Variants in AP3S2 observed in about 807,000 individuals in gnomAD.
AP3S2 encodes the protein adaptor related protein complex 3 subunit sigma 2.
A neutral mutation model predicts 23.4 loss-of-function variants in AP3S2; 22 were observed. That is an observed-to-expected ratio of 0.94 (90% CI 0.67 to 1.34). The LOEUF is 1.34. Among genes scored for constraint, AP3S2 ranks in the 40% most tolerant of loss-of-function variants. AP3S2 has a pLI of 0.00. For missense variants in AP3S2, 241 were observed against 236.9 expected, an observed-to-expected ratio of 1.02 and a Z score of -0.11; for synonymous variants, 86 against 87.1, an observed-to-expected ratio of 0.99 and a Z score of 0.07.
At chr15:89,854,569 TG>T (rs574761119) in intron 4 of AP3S2, among the ~76,000 whole-genome samples, 706 of 33,086 alleles carry the variant, frequency 0.021, 99 homozygotes, top group Non-Finnish European at 0.032. Context: ...GGGAGGGAGG[TG>T]GGGGGGGTCA....
chr15:89,858,523 G>GAGAGAGAGAGAGAGAAAGAA (rs1555446558), intron 4 of AP3S2, among the ~76,000 whole-genome samples: 1 of 53,686 alleles, frequency 1.9e-5, no homozygotes, highest in Admixed American at 2.5e-4. Context: ...GAGAGAGAGA[G>GAGAGAGAGAGAGAGAAAGAA]AGAAAGAAAG....
Position 89,875,204 on chromosome 15 carries a change from C to T in AP3S2, c.274-3658G>A, listed in dbSNP as rs539491320. Among the ~76,000 whole-genome samples, 33 of 152,238 alleles carry T rather than the reference C, an allele frequency of 2.2e-4. No individual in the cohort carries two copies. The South Asian group carries it at 4.8e-3, about 22-fold the overall frequency. Reference sequence around the variant, plus strand: ...TGTTCTGCGGCAGCCAGAGCACATGCGAGGAGAGCCAGACCACAGTTTGCA... The same window carrying T: ...TGTTCTGCGGCAGCCAGAGCACATGTGAGGAGAGCCAGACCACAGTTTGCA... On this transcript the variant is annotated intron_variant, in intron 3 of 5. Transcript: ENST00000336418.
At chr15:89,869,293 A>G (rs1896255336) in intron 4 of AP3S2, among the ~76,000 whole-genome samples, 2 of 146,410 alleles carry the variant, frequency 1.4e-5, no homozygotes, top group South Asian at 4.5e-4. Flanking sequence ...GCTCTCTGAA[A>G]CATGTGCTGT....
intron 4 of AP3S2, among the ~76,000 whole-genome samples, chr15:89,862,173 T>TAAGGTTAGAAAACCTGCCAGAAACAATC (rs1355653857): frequency 6.6e-6 from 1 of 151,838 alleles, no homozygotes; most frequent in African/African-American, 2.4e-5. Flanking sequence ...GAAGAGAGAA[T>TAAGGTTAGAAAACCTGCCAGAAACAATC]AAGGTTAGAA....
At chr15:89,869,717 G>C (rs1365920611) in intron 4 of AP3S2, among the ~76,000 whole-genome samples, 1 of 151,926 alleles carries the variant, frequency 6.6e-6, no homozygotes. Context: ...CACACTAGGT[G>C]GTAACTTCGA....
At position 89,889,086 on chromosome 15, in the gene AP3S2, G is replaced by A. The variant is rs767576419; in HGVS notation, c.124C>T (p.Arg42Trp). The A allele has an allele frequency of 8.7e-6, 14 of 1,614,024 alleles. No individual in the cohort carries two copies. The highest frequency in any genetic ancestry group is 1.2e-5 in the Non-Finnish European group (14 of 1,180,040). Reference sequence around the variant, plus strand: ...AAGAAGTTACAGATGTTGTCATCCCGCTTGAGGACTAGATGGAAAGTCTCT... The same window carrying A: ...AAGAAGTTACAGATGTTGTCATCCCACTTGAGGACTAGATGGAAAGTCTCT... ...VRETFHLVLKRDDNICNFLEG... is the reference protein window; with the variant it reads ...VRETFHLVLKWDDNICNFLEG... The change falls in exon 2 of 6, where the codon CGG (arginine) becomes TGG (tryptophan). Residue 42 changes from arginine (R) to tryptophan (W), a missense_variant. Physicochemically the swap from Arg to Trp is moderately radical, Grantham distance 101 (BLOSUM62 -3). Coordinates refer to ENST00000336418, the MANE Select transcript of AP3S2 (RefSeq NM_005829.5).
rs554698605 is a variant in AP3S2 at position 89,835,288 on chromosome 15, T to C, written c.*227A>G. 5.9e-4 allele frequency: 386 copies of C among 654,310 alleles called. No homozygotes were observed. The highest frequency in any genetic ancestry group is 7.2e-4 in the Non-Finnish European group (291 of 405,246). 40.5% of individuals were successfully genotyped at this position (654,310 alleles called of 1,614,324 possible). ...GCCCCTCACATCTGCAGTGGCCGTA[T>C]GCATCAGAGAACGGCATGACTGCAC... On this transcript the variant is annotated 3_prime_UTR_variant, in exon 6 of 6. Transcript: ENST00000336418.
intron 4 of AP3S2, among the ~76,000 whole-genome samples, chr15:89,841,145 A>G (rs939472761): frequency 3.3e-5 from 5 of 152,218 alleles, no homozygotes; most frequent in African/African-American, 1.2e-4. Context: ...GGCCTAACAC[A>G]TGATGTCGTG....
At chr15:89,845,810 T>TAC (rs1895473347) in intron 4 of AP3S2, 1 of 152,222 alleles carries the variant, frequency 6.6e-6, no homozygotes, top group Non-Finnish European at 1.5e-5. Flanking sequence ...TCACACAGTG[T>TAC]GCATTGAACA....
chr15:89,856,949 C>T (rs1020281204), intron 4 of AP3S2, among the ~76,000 whole-genome samples: 11 of 151,622 alleles, frequency 7.3e-5, no homozygotes, highest in African/African-American at 2.7e-4. Context: ...TTCACATCAA[C>T]TAATCAACTC....
chr15:89,869,105 A>G (rs1896248421), intron 4 of AP3S2, among the ~76,000 whole-genome samples: 1 of 152,194 alleles, frequency 6.6e-6, no homozygotes, highest in Admixed American at 6.5e-5. Context: ...TCAGGATGAC[A>G]ATGGCGGCTT....
chr15:89,854,371 C>T (rs1895752694), intron 4 of AP3S2, among the ~76,000 whole-genome samples: 1 of 52,238 alleles, frequency 1.9e-5, no homozygotes. Context: ...GCCTGGCCAG[C>T]CGCCCCGTCC....
In AP3S2 at chr15:89,889,038, T is replaced by C. The variant is rs1195391151; in HGVS notation, c.161+11A>G. 33 of 1,614,182 alleles carry C rather than the reference T, an allele frequency of 2.0e-5. No homozygotes were observed. Among genetic ancestry groups the C allele is most frequent in the Admixed American group, 5.0e-5 (3 of 60,030 alleles). Reference sequence around the variant, plus strand: ...GGATATATGGGGAGAAAAATGAAGCTGACAGTTTACCTTCCACCCTCCAAG... The same window carrying C: ...GGATATATGGGGAGAAAAATGAAGCCGACAGTTTACCTTCCACCCTCCAAG... On this transcript the variant is annotated intron_variant, in intron 2 of 5. Transcript: ENST00000336418.
intron 4 of AP3S2, chr15:89,865,439 T>C (rs924612686): frequency 4.6e-5 from 7 of 152,214 alleles, no homozygotes; most frequent in African/African-American, 1.2e-4. Context: ...TTCTAATGAT[T>C]ACCACACTGA....
intron 4 of AP3S2, chr15:89,838,095 C>A: frequency 5.1e-6 from 1 of 194,240 alleles, no homozygotes; most frequent in Non-Finnish European, 1.1e-5. Context: ...GTGTGTAAAG[C>A]ACCTAGCCTG....
chr15:89,854,509 G>A (rs1596197130), intron 4 of AP3S2, among the ~76,000 whole-genome samples: 5 of 77,134 alleles, frequency 6.5e-5, no homozygotes, highest in South Asian at 5.8e-4. Context: ...CGCCCCGTCC[G>A]GGAGGGAGGT....
chr15:89,857,100 A>G (rs1040874731), intron 4 of AP3S2, among the ~76,000 whole-genome samples: 1 of 152,120 alleles, frequency 6.6e-6, no homozygotes, highest in Non-Finnish European at 1.5e-5. Context: ...GAGAACTACA[A>G]TACCGAAGTT....
chr15:89,878,761 TTGATACAG>T (rs1896501063), intron 3 of AP3S2, among the ~76,000 whole-genome samples: 1 of 152,122 alleles, frequency 6.6e-6, no homozygotes, highest in Non-Finnish European at 1.5e-5. Context: ...TTTGTTTGTT[TTGATACAG>T]GGTCTCTCGC....
chr15:89,842,557 T>C (rs1470692016), intron 4 of AP3S2, among the ~76,000 whole-genome samples: 2 of 152,130 alleles, frequency 1.3e-5, no homozygotes, highest in Admixed American at 6.6e-5. Flanking sequence ...TAACAGAAAA[T>C]GGAACAACAC....
Sources: allele counts gnomAD v4.1 joint callset (sites outside exome capture counted in the v4.1 genomes callset), GRCh38; gene constraint gnomAD v4.1.1; transcripts MANE v1.5; gene names NCBI Gene and HGNC (gene_info 2026-07-23, HGNC 2026-07-21).